TMEM209: variants seen among roughly 807,000 people sequenced by gnomAD.
The protein encoded by TMEM209 is testicular tissue protein Li 202.
In TMEM209, 65 loss-of-function variants were observed where a neutral mutation model predicts 76.2. The ratio of observed to expected loss-of-function variants is 0.85; its 90% CI spans 0.70 to 1.05. TMEM209 has a LOEUF of 1.05. Among genes scored for constraint, TMEM209 ranks in the 50% least tolerant of loss-of-function variants. The pLI is 0.00. For synonymous variants in TMEM209, 239 were observed against 237.6 expected (o/e 1.01, Z -0.06); for missense variants, 623 against 685.5 (o/e 0.91, Z 1.02).
intron 6 of TMEM209, among the ~76,000 whole-genome samples, chr7:130,187,215 C>T (rs1197686472): frequency 1.3e-5 from 2 of 151,780 alleles, no homozygotes; most frequent in Admixed American, 1.3e-4. Flanking sequence ...TGCACTCCAG[C>T]CTGAGCAACA....
chr7:130,186,521 G>GCC (rs1797602949), intron 6 of TMEM209, among the ~76,000 whole-genome samples: 1 of 152,104 alleles, frequency 6.6e-6, no homozygotes. Flanking sequence ...AATAAATAGA[G>GCC]AACAGAAATG....
chr7:130,181,526 C>T, intron 9 of TMEM209, 97 bp downstream of exon 9: 1 of 1,040,678 alleles, frequency 9.6e-7, no homozygotes, highest in Non-Finnish European at 1.4e-6. Context: ...TTTTTCACCC[C>T]AAGGTAACAA....
chr7:130,178,623 C>T, intron 9 of TMEM209, 96 bp from the exon 10 acceptor site: 1 of 1,432,656 alleles, frequency 7.0e-7, no homozygotes, highest in Non-Finnish European at 9.5e-7. Context: ...CAGCTGGTTC[C>T]TCACTACCTT....
At chr7:130,169,660 A>G (rs941422776) in intron 14 of TMEM209, among the ~76,000 whole-genome samples, 2 of 152,044 alleles carry the variant, frequency 1.3e-5, no homozygotes, top group African/African-American at 4.8e-5. Context: ...TACAAACAGG[A>G]TGCTATCTAA....
At chr7:130,205,015 C>A in intron 1 of TMEM209, 1 of 1,209,688 alleles carries the variant, frequency 8.3e-7, no homozygotes, top group Non-Finnish European at 1.0e-6. Context: ...GGAAAACGTG[C>A]ATTGTTTTGG....
rs1412615070 is a variant in TMEM209 at position 130,165,229 on chromosome 7, G to GT, written c.*1221dup. 4.6e-5 allele frequency: 7 copies of GT among 152,230 alleles called. No individual in the cohort carries two copies. Among genetic ancestry groups the GT allele is most frequent in the African/African-American group, 1.7e-4 (7 of 41,550 alleles). The allele number at this position is 152,230 out of a possible 1,614,324, so 9.4% of individuals were successfully genotyped here. A position where few individuals can be genotyped will look rare whatever the true frequency, so the allele number is the denominator to read the frequency against. On this transcript the variant is annotated 3_prime_UTR_variant, in exon 15 of 15. Coordinates refer to ENST00000397622, the MANE Select transcript of TMEM209 (RefSeq NM_032842.4). ...AAAGACTAGTTTCAGCTGTTTCCAG[G>GT]TTTACATAAGATGATGGAAGCAGTC...
intron 5 of TMEM209, among the ~76,000 whole-genome samples, chr7:130,196,887 T>C (rs1798002202): frequency 1.3e-5 from 2 of 152,216 alleles, no homozygotes; most frequent in African/African-American, 4.8e-5. Flanking sequence ...TATATCATTA[T>C]GCAAATATTC....
rs752380023 is a variant in TMEM209 at position 130,204,052 on chromosome 7, T to C, written c.62A>G (p.Lys21Arg). 4 of 1,613,198 alleles carry C rather than the reference T, an allele frequency of 2.5e-6. No homozygotes were observed. In the African/African-American group the frequency reaches 5.3e-5, roughly 22 times the overall value. The change falls in exon 2 of 15, where the codon AAA (lysine) becomes AGA (arginine). Residue 21 changes from lysine (K) to arginine (R), a missense_variant. By Grantham distance (26) the Lys-to-Arg change is conservative. Transcript: ENST00000397622. ...SLIDRTIKMRKETEARKVVLA... is the reference protein window; with the variant it reads ...SLIDRTIKMRRETEARKVVLA... ...GACCACTTTCCTAGCCTCTGTTTCT[T>C]TTCTCATCTTGATGGTTCTGTCAAT...
At position 130,165,069 on chromosome 7, in the gene TMEM209, A is replaced by G. The variant is rs1796842042; in HGVS notation, c.*1382T>C. ...AGTGAGTCTGCATATGTGTATTATT[A>G]ATACATGTTAAACCATACTGCAGAT... On this transcript the variant is annotated 3_prime_UTR_variant, in exon 15 of 15. Transcript: ENST00000397622. 6.6e-6 allele frequency: 1 copy of G among 152,232 alleles called. No individual in the cohort carries two copies. Among genetic ancestry groups the G allele is most frequent in the South Asian group, 2.1e-4 (1 of 4,834 alleles). 9.4% of individuals were successfully genotyped at this position (152,232 alleles called of 1,614,324 possible).
At position 130,175,525 on chromosome 7, in the gene TMEM209, G is replaced by C. The variant is rs1310650560; in HGVS notation, c.1331C>G (p.Pro444Arg). The stretch of plus-strand genomic sequence containing the variant: ...CTAGGGGCTTACAGCAGAATCGGTG[G>C]GCAGGTCTGTATCCCACTTTCGTCC... ...FKGRKWDTDL[P>R]TDSAIIMHVF... is the part of the protein sequence containing the mutation. The change falls in exon 11 of 15, where the codon CCC becomes CGC. Residue 444 changes from proline to arginine, a missense_variant. Physicochemically the swap from Pro to Arg is moderately radical, Grantham distance 103 (BLOSUM62 -2). Coordinates refer to ENST00000397622, the MANE Select transcript of TMEM209 (RefSeq NM_032842.4). The C allele has an allele frequency of 1.2e-6, 2 of 1,612,346 alleles. No homozygotes were observed. The highest frequency in any genetic ancestry group is 2.2e-5 in the South Asian group (2 of 90,550).
intron 10 of TMEM209, 104 bp downstream of exon 10, chr7:130,178,298 C>T: frequency 8.8e-7 from 1 of 1,138,336 alleles, no homozygotes; most frequent in Non-Finnish European, 1.2e-6. Flanking sequence ...ATTTATAAGA[C>T]ATGTTATACT....
intron 5 of TMEM209, 86 bp from the exon 6 acceptor site, chr7:130,192,909 T>C (rs1797848600): frequency 1.5e-6 from 2 of 1,299,010 alleles, no homozygotes; most frequent in African/African-American, 1.5e-5. Flanking sequence ...AAACACCTAG[T>C]AGAATGGCGA....
chr7:130,184,925 G>C (rs184740835), intron 7 of TMEM209, among the ~76,000 whole-genome samples: 12 of 152,318 alleles, frequency 7.9e-5, no homozygotes, highest in African/African-American at 2.4e-4. Flanking sequence ...TTATATACCT[G>C]AGAGCCTTTT....
intron 6 of TMEM209, among the ~76,000 whole-genome samples, chr7:130,191,726 G>A (rs1797802541): frequency 6.6e-6 from 1 of 152,104 alleles, no homozygotes; most frequent in Non-Finnish European, 1.5e-5. Flanking sequence ...AGCTCCTACT[G>A]GGATAAAGAA....
chr7:130,191,422 A>G (rs1797792017), intron 6 of TMEM209, among the ~76,000 whole-genome samples: 2 of 152,144 alleles, frequency 1.3e-5, no homozygotes, highest in African/African-American at 2.4e-5. Flanking sequence ...TTAGTAAGAT[A>G]AAGTATTTAA....
In TMEM209 at chr7:130,192,835, A is replaced by T. The variant is rs1797846150; in HGVS notation, c.574-12T>A. 6.2e-7 allele frequency: 1 copy of T among 1,608,632 alleles called. No individual in the cohort carries two copies. The highest frequency in any genetic ancestry group is 1.3e-5 in the African/African-American group (1 of 74,718). ...CTAAAGCTCGCCAACTATACAAAAT[A>T]AAAGATCTTTACTTTATTTTTCTTT... is the stretch of plus-strand genomic sequence containing the variant. On this transcript the variant is annotated splice_polypyrimidine_tract_variant and intron_variant, in intron 5 of 14. Transcript: ENST00000397622.
Position 130,185,281 on chromosome 7 carries a change from T to G in TMEM209, c.862A>C (p.Lys288Gln). 1.2e-6 allele frequency: 2 copies of G among 1,614,024 alleles called. No individual in the cohort carries two copies. The highest frequency in any genetic ancestry group is 1.7e-6 in the Non-Finnish European group (2 of 1,179,888). ...CTACAGGCAAGCTGATACTGAAACT[T>G]CTTTAAAGTTTGTGCATAATCCCCC... is the stretch of plus-strand genomic sequence containing the variant. ...SMGDYAQTLK[K>Q]FQYQLACRSQ... Residue 288 changes from lysine to glutamine, a missense_variant, in exon 7 of 15, where the codon AAG becomes CAG. Coordinates refer to ENST00000397622, the MANE Select transcript of TMEM209 (RefSeq NM_032842.4).
At chr7:130,185,057 C>G (rs1797550140) in intron 7 of TMEM209, 135 bp downstream of exon 7, 4 of 1,025,628 alleles carry the variant, frequency 3.9e-6, no homozygotes, top group Non-Finnish European at 5.5e-6. Flanking sequence ...AGGAGCTTTC[C>G]CACTGCCTAA....
At chr7:130,181,372 T>C (rs1438777397) in intron 9 of TMEM209, among the ~76,000 whole-genome samples, 1 of 152,266 alleles carries the variant, frequency 6.6e-6, no homozygotes. Context: ...GATGAAATGC[T>C]TTAAAACTGA....
Sources: allele counts gnomAD v4.1 joint callset (sites outside exome capture counted in the v4.1 genomes callset), GRCh38; gene constraint gnomAD v4.1.1; transcripts MANE v1.5; gene names NCBI Gene and HGNC (gene_info 2026-07-23, HGNC 2026-07-21).